WDR73: variants seen among roughly 807,000 people sequenced by gnomAD.
WDR73 encodes integrator complex assembly factor WDR73.
A neutral mutation model predicts 38.2 loss-of-function variants in WDR73; 30 were observed. The ratio of observed to expected loss-of-function variants is 0.79; its 90% confidence interval spans 0.59 to 1.06. WDR73 has a LOEUF of 1.06. Among genes scored for constraint, WDR73 ranks in the 50% least tolerant of loss-of-function variants. The probability of loss-of-function intolerance (pLI) is 0.00; values close to 1 mark genes in which losing one functional copy is unlikely to be tolerated. For missense variants in WDR73, 487 were observed against 467.0 expected (o/e 1.04, Z -0.40); for synonymous variants, 197 against 176.0 (o/e 1.12, Z -0.94).
intron 6 of WDR73, 137 bp from the exon 7 acceptor site, chr15:84,645,973 C>G (rs776248015): frequency 1.3e-6 from 2 of 1,546,614 alleles, no homozygotes; most frequent in Non-Finnish European, 1.7e-6. Context: ...CTCATCTCAC[C>G]ATTGTCTGCT....
At chr15:84,650,396 C>G (rs1896585698) in intron 3 of WDR73, among the ~76,000 whole-genome samples, 1 of 152,116 alleles carries the variant, frequency 6.6e-6, no homozygotes, top group South Asian at 2.1e-4. Flanking sequence ...GAGTCTCACT[C>G]TGTCACCCAG....
intron 3 of WDR73, among the ~76,000 whole-genome samples, chr15:84,651,245 T>C (rs1896615029): frequency 6.6e-6 from 1 of 151,774 alleles, no homozygotes; most frequent in South Asian, 2.1e-4. Flanking sequence ...GCCAACACAG[T>C]GAAACCTCAT....
chr15:84,643,397 G>A lies in WDR73; in HGVS notation c.*73C>T. The A allele has an allele frequency of 6.6e-7, 1 of 1,510,460 alleles. No individual in the cohort carries two copies. Among genetic ancestry groups the A allele is most frequent in the South Asian group, 1.3e-5 (1 of 77,150 alleles). 93.6% of individuals were successfully genotyped at this position (1,510,460 alleles called of 1,614,324 possible). A position where few individuals can be genotyped will look rare whatever the true frequency, so the allele number is the denominator to read the frequency against. On this transcript the variant is annotated 3_prime_UTR_variant, in exon 8 of 8. Transcript: ENST00000434634. Reference sequence around the variant, plus strand: ...GTAACAGGGACTGGTAGTCACTTGAGTCCTACATGAGCACCCTTGCTACTA... The same window carrying A: ...GTAACAGGGACTGGTAGTCACTTGAATCCTACATGAGCACCCTTGCTACTA...
intron 3 of WDR73, among the ~76,000 whole-genome samples, chr15:84,651,604 T>G (rs1330409926): frequency 6.6e-6 from 1 of 152,138 alleles, no homozygotes; most frequent in Non-Finnish European, 1.5e-5. Flanking sequence ...CCCTGTGATA[T>G]TCCCTCATTT....
At position 84,643,631 on chromosome 15, in the gene WDR73, T is replaced by C; in HGVS notation, c.976A>G (p.Thr326Ala). Residue 326 changes from threonine (T) to alanine (A), a missense_variant, in exon 8 of 8, where the codon ACT (threonine) becomes GCT (alanine). Thr to Ala is a moderately conservative substitution (Grantham distance 58). Transcript: ENST00000434634. ...TCTAGGAAGATGTGACCTCTGTGAGTGAAGAGAGGTTCTACTTGGCTCCGT... is the reference window on the plus strand; with the variant it reads ...TCTAGGAAGATGTGACCTCTGTGAGCGAAGAGAGGTTCTACTTGGCTCCGT... ...GTRSQVEPLF[T>A]HRGHIFLDGN... 1.2e-6 allele frequency: 2 copies of C among 1,612,342 alleles called. No individual in the cohort carries two copies.
intron 1 of WDR73, chr15:84,653,922 C>T: frequency 1.7e-6 from 1 of 604,688 alleles, no homozygotes; most frequent in Non-Finnish European, 2.9e-6. Context: ...CCAGATTTCC[C>T]AAGGTTGACG....
chr15:84,648,346 G>T lies in WDR73; in HGVS notation c.287+191C>A, dbSNP rs907928152. ...TACATTAGTCCAAGGGCTCTGGGGGGCTATGAAGCCACAGCAGTGGTTTCT... is the reference window on the plus strand; with the variant it reads ...TACATTAGTCCAAGGGCTCTGGGGGTCTATGAAGCCACAGCAGTGGTTTCT... On this transcript the variant is annotated intron_variant, in intron 4 of 7. Transcript: ENST00000434634. The T allele has an allele frequency of 8.4e-6, 5 of 593,994 alleles. No individual in the cohort carries two copies. The African/African-American group carries it at 9.3e-5, about 11-fold the overall frequency. The allele number at this position is 593,994 out of a possible 1,614,324, so 36.8% of individuals were successfully genotyped here. A position where few individuals can be genotyped will look rare whatever the true frequency, so the allele number is the denominator to read the frequency against.
Position 84,643,656 on chromosome 15 carries a change from TGTTCCATCTTGGCTC to T in WDR73, c.936_950del (p.Ser313_Thr317del). 1 of 1,068,740 alleles carries T rather than the reference TGTTCCATCTTGGCTC, an allele frequency of 9.4e-7. No homozygotes were observed. The highest frequency in any genetic ancestry group is 2.7e-5 in the East Asian group (1 of 37,714). The allele number at this position is 1,068,740 out of a possible 1,614,324, so 66.2% of individuals were successfully genotyped here. A position where few individuals can be genotyped will look rare whatever the true frequency, so the allele number is the denominator to read the frequency against. On this transcript the variant is annotated inframe_deletion, in exon 8 of 8. Coordinates refer to ENST00000434634, the MANE Select transcript of WDR73 (RefSeq NM_032856.5). ...TGAAGAGAGGTTCTACTTGGCTCCG[TGTTCCATCTTGGCTC>T]CGTGTTCCATCCCAAGATGTGGCAT...
At chr15:84,646,429 T>C in intron 5 of WDR73, 81 bp from the exon 6 acceptor site, 1 of 1,519,098 alleles carries the variant, frequency 6.6e-7, no homozygotes, top group South Asian at 1.3e-5. Flanking sequence ...TCTTCCCCTG[T>C]ACATTTAGAA....
chr15:84,644,734 A>G (rs1375670913), intron 7 of WDR73: 3 of 150,234 alleles, frequency 2.0e-5, no homozygotes, highest in Admixed American at 2.0e-4. Context: ...GTGCACCAAA[A>G]CACCCGGCTA....
intron 2 of WDR73, 32 bp downstream of exon 2, chr15:84,653,599 TC>T (rs1395705561): frequency 6.5e-7 from 1 of 1,534,616 alleles, no homozygotes; most frequent in African/African-American, 1.4e-5. Context: ...GGAGTGAGAT[TC>T]CCTCTCCTTC....
rs1293587124 is a variant in WDR73, at chr15:84,647,897, C to G, written c.345G>C (p.Glu115Asp). The change falls in exon 5 of 8, where the codon GAG (glutamate) becomes GAC (aspartate). Residue 115 changes from glutamate (E) to aspartate (D), a missense_variant. Physicochemically the swap from Glu to Asp is conservative, Grantham distance 45. Coordinates refer to ENST00000434634, the MANE Select transcript of WDR73 (RefSeq NM_032856.5). ...GCYLQVWQVA[E>D]DSDVIKAVST... ...CAAGTCAAATTCACTCACCACTGTC[C>G]TCTGCAACCTGCCACACCTGCAGAT... The G allele has an allele frequency of 6.2e-7, 1 of 1,613,972 alleles. No homozygotes were observed.
intron 1 of WDR73, chr15:84,654,032 T>G (rs1896710846): frequency 1.5e-6 from 1 of 677,182 alleles, no homozygotes; most frequent in African/African-American, 1.8e-5. Context: ...TTACTAGTAA[T>G]CTCACAACGC....
At chr15:84,653,361 G>A in intron 2 of WDR73, 1 of 362,826 alleles carries the variant, frequency 2.8e-6, no homozygotes, top group Admixed American at 3.9e-5. Flanking sequence ...GTAGAGACGG[G>A]GTTTCACCAT....
At chr15:84,653,952 T>A in intron 1 of WDR73, 1 of 604,732 alleles carries the variant, frequency 1.7e-6, no homozygotes, top group Non-Finnish European at 2.9e-6. Flanking sequence ...AATGAGATCA[T>A]CTGTGTTCTG....
In WDR73 at chr15:84,643,129, A is replaced by G. The variant is rs755640182; in HGVS notation, c.*341T>C. On this transcript the variant is annotated 3_prime_UTR_variant, in exon 8 of 8. Coordinates refer to ENST00000434634, the MANE Select transcript of WDR73 (RefSeq NM_032856.5). ...CCCCTCTACATTTTTTTCTTTAAAAAAATTCACAAAGCATGTTTATATTTG... is the reference window on the plus strand; with the variant it reads ...CCCCTCTACATTTTTTTCTTTAAAAGAATTCACAAAGCATGTTTATATTTG... 1 of 209,210 alleles carries G rather than the reference A, an allele frequency of 4.8e-6. No homozygotes were observed. Among genetic ancestry groups the G allele is most frequent in the African/African-American group, 2.3e-5 (1 of 43,236 alleles). 13.0% of individuals were successfully genotyped at this position (209,210 alleles called of 1,614,324 possible).
At chr15:84,654,131 G>C (rs1040616336) in intron 1 of WDR73, 103 bp downstream of exon 1, 1 of 1,498,264 alleles carries the variant, frequency 6.7e-7, no homozygotes, top group Non-Finnish European at 9.3e-7. Flanking sequence ...GCCACAGCTG[G>C]CCCACTCTGC....
intron 7 of WDR73, chr15:84,644,609 T>C (rs1232636039): frequency 6.9e-6 from 1 of 145,184 alleles, no homozygotes; most frequent in Non-Finnish European, 1.5e-5. Flanking sequence ...AGACAGAGTC[T>C]TGCTCTGTCG....
Position 84,642,921 on chromosome 15 carries a change from G to GC in WDR73, c.*548dup, listed in dbSNP as rs909766617. ...CAGCACACTTTAATATTCACTATGGGCCCTCAAAAGGAAATGTTTGTGGGG... is the reference window on the plus strand; with the variant it reads ...CAGCACACTTTAATATTCACTATGGGCCCCTCAAAAGGAAATGTTTGTGGGG... On this transcript the variant is annotated 3_prime_UTR_variant, in exon 8 of 8. Coordinates refer to ENST00000434634, the MANE Select transcript of WDR73 (RefSeq NM_032856.5). 99 of 157,042 alleles carry GC rather than the reference G, an allele frequency of 6.3e-4. 2 individuals are homozygous for GC. Among genetic ancestry groups the GC allele is most frequent in the Non-Finnish European group, 1.8e-4 (13 of 71,216 alleles). 9.7% of individuals were successfully genotyped at this position (157,042 alleles called of 1,614,324 possible).
Sources: gnomAD v4.1 joint callset for allele counts (sites outside exome capture counted in the v4.1 genomes callset) on GRCh38, gnomAD v4.1.1 for gene constraint, MANE v1.5 for transcripts, NCBI Gene and HGNC (gene_info 2026-07-23, HGNC 2026-07-21) for gene names.